FAHD1: variants seen among roughly 807,000 people sequenced by gnomAD.
The protein encoded by FAHD1 is oxaloacetate tautomerase FAHD1, mitochondrial.
In FAHD1, 14 loss-of-function variants were observed where a neutral mutation model predicts 12.7. That is an observed-to-expected ratio of 1.10 (90% CI 0.73 to 1.72). FAHD1 has a LOEUF of 1.72. FAHD1 is among the 40% of genes most tolerant of loss of function. FAHD1 has a pLI of 0.00. For synonymous variants in FAHD1, 153 were observed against 124.9 expected (o/e 1.22, Z -1.50); for missense variants, 351 against 298.9 (o/e 1.17, Z -1.29).
intron 1 of FAHD1, among the ~76,000 whole-genome samples, chr16:1,835,055 G>T (rs1010935113): frequency 9.3e-5 from 14 of 150,844 alleles, no homozygotes; most frequent in African/African-American, 3.4e-4. Context: ...TGAAGTTCAA[G>T]ACCAGCCTGG....
exon 2 of FAHD1, chr16:1,838,119 G>A (rs1033371445): frequency 6.5e-6 from 4 of 613,998 alleles, no homozygotes; most frequent in Admixed American, 3.0e-5. Flanking sequence ...TCAGCTTCCC[G>A]TTTCTGAGGT....
At chr16:1,834,949 C>A (rs1898701415) in intron 1 of FAHD1, among the ~76,000 whole-genome samples, 5 of 142,486 alleles carry the variant, frequency 3.5e-5, no homozygotes, top group Admixed American at 1.4e-4. Flanking sequence ...CACCCCCCCC[C>A]ACTAAAAAAA....
intron 1 of FAHD1, among the ~76,000 whole-genome samples, chr16:1,836,762 T>A (rs2142073214): frequency 6.8e-6 from 1 of 147,368 alleles, no homozygotes. Flanking sequence ...AATTTCATAA[T>A]AACACTAATT....
rs1450755715 is a variant in FAHD1, at chr16:1,834,446, A to G, written c.628-3570A>G. 6 of 741,944 alleles carry G rather than the reference A, an allele frequency of 8.1e-6. No individual in the cohort carries two copies. The Admixed American group carries it at 1.4e-4, about 17-fold the overall frequency. 46.0% of individuals were successfully genotyped at this position (741,944 alleles called of 1,614,324 possible). A position where few individuals can be genotyped will look rare whatever the true frequency, so the allele number is the denominator to read the frequency against. On this transcript the variant is annotated intron_variant, in intron 1 of 2. Transcript: ENST00000382666. ...ATATCAAGTTGAAAAATCAATGATC[A>G]CGAATAGAGAACTGCAATGAAAGTT...
Position 1,834,370 on chromosome 16 carries a change from CGAG to C in FAHD1, c.628-3642_628-3640del, listed in dbSNP as rs533500929. ...TTGCTCTGTGTGATAGAACGAACTG[CGAG>C]GAGAAACAGAAAAAGAGACAAAAGG... is the stretch of plus-strand genomic sequence containing the variant. On this transcript the variant is annotated intron_variant, in intron 1 of 2. Transcript: ENST00000382666. 175 of 1,485,448 alleles carry C rather than the reference CGAG, an allele frequency of 1.2e-4. No individual in the cohort carries two copies. In the African/African-American group the frequency reaches 2.1e-3, roughly 18 times the overall value. 92.0% of individuals were successfully genotyped at this position (1,485,448 alleles called of 1,614,324 possible).
At chr16:1,837,602 T>C in intron 1 of FAHD1, 1 of 456,132 alleles carries the variant, frequency 2.2e-6, no homozygotes. Flanking sequence ...GTAACTCCTT[T>C]ATACAATATG....
At chr16:1,834,292 C>T in intron 1 of FAHD1, 2 of 1,612,574 alleles carry the variant, frequency 1.2e-6, no homozygotes, top group Non-Finnish European at 8.5e-7. Context: ...TTCTGCTTGC[C>T]TCAGTAGGAT....
exon 1 of FAHD1, chr16:1,827,382 C>T: frequency 1.2e-6 from 2 of 1,612,390 alleles, no homozygotes; most frequent in South Asian, 2.2e-5. Context: ...CGTCCACGGC[C>T]TACGCGCCCG....
At chr16:1,835,894 C>G (rs995716718) in intron 1 of FAHD1, among the ~76,000 whole-genome samples, 3 of 150,052 alleles carry the variant, frequency 2.0e-5, no homozygotes, top group Non-Finnish European at 3.0e-5. Context: ...CAGTCTCACT[C>G]TGTCACCCAG....
downstream of FAHD1, among the ~76,000 whole-genome samples, chr16:1,833,809 A>G (rs1461328775): frequency 6.6e-6 from 1 of 151,992 alleles, no homozygotes; most frequent in East Asian, 1.9e-4. Flanking sequence ...TGGCATCCCA[A>G]AGTGCTGGGA....
intron 1 of FAHD1, among the ~76,000 whole-genome samples, chr16:1,835,411 T>G (rs1298782342): frequency 1.3e-5 from 2 of 152,122 alleles, no homozygotes; most frequent in Non-Finnish European, 2.9e-5. Flanking sequence ...ATTTTAATAG[T>G]CTTATTTTTT....
downstream of FAHD1, among the ~76,000 whole-genome samples, chr16:1,831,983 A>G (rs1023550131): frequency 1.3e-5 from 2 of 151,936 alleles, no homozygotes; most frequent in African/African-American, 4.8e-5. Flanking sequence ...GCTGCTCTAC[A>G]TCATTGGCAC....
chr16:1,838,595 C>T (rs1420328433), intron 2 of FAHD1, among the ~76,000 whole-genome samples: 4 of 152,124 alleles, frequency 2.6e-5, no homozygotes, highest in Non-Finnish European at 5.9e-5. Flanking sequence ...CCAAATCTTC[C>T]TAGAAAAACC....
At chr16:1,830,942 A>ACACACACACACACACACACC (rs763868736), downstream of FAHD1, among the ~76,000 whole-genome samples, 1 of 127,986 alleles carries the variant, frequency 7.8e-6, no homozygotes, top group African/African-American at 2.7e-5. Context: ...ACACACACAC[A>ACACACACACACACACACACC]CACCCATATT....
chr16:1,834,574 T>C (rs112486755), intron 1 of FAHD1, among the ~76,000 whole-genome samples: 11 of 152,330 alleles, frequency 7.2e-5, no homozygotes, highest in African/African-American at 2.6e-4. Flanking sequence ...TTCTGACTGA[T>C]TTTGTAAAAA....
downstream of FAHD1, among the ~76,000 whole-genome samples, chr16:1,833,235 C>T (rs541528303): frequency 5.6e-4 from 85 of 152,266 alleles, no homozygotes; most frequent in Middle Eastern, 3.4e-3. Flanking sequence ...CTGTCGTCCT[C>T]ATGTCCTGAG....
downstream of FAHD1, among the ~76,000 whole-genome samples, chr16:1,830,012 C>T (rs749223136): frequency 5.7e-4 from 86 of 152,104 alleles, 1 homozygote; most frequent in Admixed American, 2.6e-4. Flanking sequence ...TACAGGCATA[C>T]GCCACCACAC....
downstream of FAHD1, among the ~76,000 whole-genome samples, chr16:1,830,876 A>G (rs573594648): frequency 1.3e-5 from 2 of 151,164 alleles, no homozygotes; most frequent in East Asian, 3.9e-4. Flanking sequence ...CCTCCCCGCC[A>G]TATATGTGTA....
exon 3 of FAHD1, chr16:1,839,364 T>A (rs1898837125): frequency 6.2e-7 from 1 of 1,614,058 alleles, no homozygotes; most frequent in Admixed American, 1.7e-5. Context: ...AAAGACAGAT[T>A]TAAAGTCCAA....
Sources: gnomAD v4.1 joint callset for allele counts (sites outside exome capture counted in the v4.1 genomes callset) on GRCh38, gnomAD v4.1.1 for gene constraint, MANE v1.5 for transcripts, NCBI Gene and HGNC (gene_info 2026-07-23, HGNC 2026-07-21) for gene names.